RBFOX1: variants seen among roughly 807,000 people sequenced by gnomAD.
RBFOX1 encodes RNA binding protein fox-1 homolog 1.
Under a neutral mutation model 57.7 loss-of-function variants are expected in RBFOX1, and 8 were observed. The ratio of observed to expected loss-of-function variants is 0.14; its 90% CI spans 0.08 to 0.25. The LOEUF (loss-of-function observed/expected upper bound fraction) is 0.25. Among genes scored for constraint, RBFOX1 ranks in the 10% least tolerant of loss-of-function variants. RBFOX1 has a pLI of 1.00. For synonymous variants in RBFOX1, 326 were observed against 222.4 expected, an observed-to-expected ratio of 1.47 and a Z score of -4.15; for missense variants, 611 against 548.5, an observed-to-expected ratio of 1.11 and a Z score of -1.14.
At position 7,367,650 on chromosome 16, in the gene RBFOX1, A is replaced by G. The variant is rs567105322; in HGVS notation, c.28-150497A>G. Among the ~76,000 whole-genome samples the G allele has an allele frequency of 8.5e-5, 13 of 152,260 alleles. No individual in the cohort carries two copies. In the South Asian group the frequency reaches 2.1e-3, roughly 24 times the overall value. ...CTGTATATGTGCATCAGTCAGTTCAATGGGAATAGTGGAGAAACAGAGAAC... is the reference window on the plus strand; with the variant it reads ...CTGTATATGTGCATCAGTCAGTTCAGTGGGAATAGTGGAGAAACAGAGAAC... On this transcript the variant is annotated intron_variant, in intron 4 of 15. Transcript: ENST00000550418.
At chr16:5,312,466 C>T (rs1439065079) in intron 1 of RBFOX1, among the ~76,000 whole-genome samples, 1 of 152,054 alleles carries the variant, frequency 6.6e-6, no homozygotes, top group Admixed American at 6.6e-5. Context: ...TTACAGGTGC[C>T]TGCCCGTGAC....
intron 1 of RBFOX1, among the ~76,000 whole-genome samples, chr16:6,191,455 A>C (rs979830981): frequency 6.6e-6 from 1 of 152,174 alleles, no homozygotes; most frequent in African/African-American, 2.4e-5. Context: ...ACTGTGCAAC[A>C]GGAAGTGATA....
chr16:6,706,376 A>T (rs1157169006), intron 3 of RBFOX1, among the ~76,000 whole-genome samples: 4 of 152,200 alleles, frequency 2.6e-5, no homozygotes, highest in African/African-American at 9.7e-5. Context: ...GTAGCAGCCC[A>T]ATTAATAGGT....
intron 3 of RBFOX1, among the ~76,000 whole-genome samples, chr16:6,913,046 T>A (rs1340751168): frequency 6.6e-6 from 1 of 151,974 alleles, no homozygotes; most frequent in African/African-American, 2.4e-5. Flanking sequence ...TTCTGATGGG[T>A]GGAAAAGAAC....
chr16:5,341,169 G>A (rs2065023550), intron 1 of RBFOX1, among the ~76,000 whole-genome samples: 3 of 152,166 alleles, frequency 2.0e-5, no homozygotes, highest in African/African-American at 7.2e-5. Context: ...AGTAGGAGGA[G>A]AGGAGGCTGG....
chr16:6,833,944 C>T (rs764346371), intron 3 of RBFOX1, among the ~76,000 whole-genome samples: 1 of 152,056 alleles, frequency 6.6e-6, no homozygotes, highest in East Asian at 1.9e-4. Flanking sequence ...AGTGATGTGA[C>T]AAGGGGCTAG....
intron 1 of RBFOX1, among the ~76,000 whole-genome samples, chr16:5,255,263 A>C (rs2062554950): frequency 6.6e-6 from 1 of 151,484 alleles, no homozygotes; most frequent in African/African-American, 2.4e-5. Context: ...TCTTTGGAGG[A>C]CCCCGGATAA....
At chr16:7,264,489 C>T (rs2095053006) in intron 4 of RBFOX1, among the ~76,000 whole-genome samples, 1 of 152,098 alleles carries the variant, frequency 6.6e-6, no homozygotes, top group African/African-American at 2.4e-5. Context: ...CTGTAAGGGC[C>T]AAAAGCTAAG....
intron 2 of RBFOX1, among the ~76,000 whole-genome samples, chr16:6,575,862 A>AAAAT (rs60635526): frequency 0.44 from 63,639 of 144,950 alleles, 14,604 homozygotes; most frequent in East Asian, 0.57. Flanking sequence ...ATCTCAATAA[A>AAAAT]AAATAAATAA....
intron 4 of RBFOX1, among the ~76,000 whole-genome samples, chr16:7,492,379 C>G (rs962399466): frequency 6.6e-6 from 1 of 152,100 alleles, no homozygotes; most frequent in Non-Finnish European, 1.5e-5. Context: ...ATTTAAATGA[C>G]TATGTGACAA....
chr16:6,793,607 C>T (rs571301151), intron 3 of RBFOX1, among the ~76,000 whole-genome samples: 95 of 152,064 alleles, frequency 6.2e-4, no homozygotes, highest in Non-Finnish European at 7.6e-4. Flanking sequence ...TTCACAAGAG[C>T]AAACTGAAAG....
At chr16:6,506,676 C>A (rs1237435195) in intron 2 of RBFOX1, among the ~76,000 whole-genome samples, 1 of 101,276 alleles carries the variant, frequency 9.9e-6, no homozygotes, top group Non-Finnish European at 1.8e-5. Context: ...GAGATGGAGT[C>A]TCGCTTTGTC....
intron 4 of RBFOX1, among the ~76,000 whole-genome samples, chr16:6,006,750 C>G (rs1456887702): frequency 6.6e-6 from 1 of 152,116 alleles, no homozygotes; most frequent in East Asian, 1.9e-4. Flanking sequence ...TTCATAATAC[C>G]AGCTAAAGCT....
At chr16:6,158,401 C>T (rs564990459) in intron 1 of RBFOX1, among the ~76,000 whole-genome samples, 4 of 152,168 alleles carry the variant, frequency 2.6e-5, no homozygotes, top group Non-Finnish European at 5.9e-5. Context: ...ATAATGGCAG[C>T]CCGTTCCAGT....
At chr16:5,860,445 C>A (rs115096215) in intron 3 of RBFOX1, among the ~76,000 whole-genome samples, 197 of 152,216 alleles carry the variant, frequency 1.3e-3, no homozygotes, top group African/African-American at 4.5e-3. Context: ...TCTAGAGATT[C>A]AAATTGGTTC....
Position 6,038,199 on chromosome 16 carries a change from ATGGCATCTAACTCACCC to A in RBFOX1, c.-127+18210_-127+18226del, listed in dbSNP as rs1440135268. On this transcript the variant is annotated intron_variant, in intron 1 of 15. Transcript: ENST00000550418. Reference sequence around the variant, plus strand: ...ATTTTATTAGTTTTTTTTTTTTGAGATGGCATCTAACTCACCCTGTCATCCAGGCTGGAGTGCAGTGG... The same window carrying A: ...ATTTTATTAGTTTTTTTTTTTTGAGATGTCATCCAGGCTGGAGTGCAGTGG... The A allele has an allele frequency of 2.1e-5, 3 of 145,072 alleles. No homozygotes were observed. In the East Asian group the frequency reaches 6.1e-4, roughly 29 times the overall value. 9.0% of individuals were successfully genotyped at this position (145,072 alleles called of 1,614,324 possible).
chr16:6,578,114 C>G (rs901863814), intron 2 of RBFOX1, among the ~76,000 whole-genome samples: 10 of 152,178 alleles, frequency 6.6e-5, no homozygotes, highest in Non-Finnish European at 1.5e-4. Flanking sequence ...CAGTTCAGAG[C>G]TGGAAACAGA....
intron 1 of RBFOX1, among the ~76,000 whole-genome samples, chr16:6,080,421 C>A (rs1597101058): frequency 6.6e-6 from 1 of 152,194 alleles, no homozygotes. Flanking sequence ...AGATTGACCA[C>A]AGCTCCTGTT....
At chr16:7,496,185 C>A (rs904047257) in intron 4 of RBFOX1, among the ~76,000 whole-genome samples, 1 of 152,112 alleles carries the variant, frequency 6.6e-6, no homozygotes, top group Admixed American at 6.6e-5. Flanking sequence ...GCTCTGTCTC[C>A]CAGGTTGGAG....
Sources: allele counts gnomAD v4.1 joint callset (sites outside exome capture counted in the v4.1 genomes callset), GRCh38; gene constraint gnomAD v4.1.1; transcripts MANE v1.5; gene names NCBI Gene and HGNC (gene_info 2026-07-23, HGNC 2026-07-21).